The following KRTAP1-5 variants were observed in gnomAD, a reference collection of about 807,000 sequenced individuals.
KRTAP1-5 encodes the protein keratin-associated protein 1-5.
Under a neutral mutation model 14.2 loss-of-function variants are expected in KRTAP1-5, and 10 were observed. The observed-to-expected ratio is 0.70, with a 90% CI of 0.43 to 1.19. KRTAP1-5 has a LOEUF of 1.19. Among genes scored for constraint, KRTAP1-5 ranks in the 50% most tolerant of loss-of-function variants. The pLI is 0.00. For missense variants in KRTAP1-5, 234 were observed against 223.5 expected, an observed-to-expected ratio of 1.05 and a Z score of -0.30; for synonymous variants, 107 against 80.2, an observed-to-expected ratio of 1.33 and a Z score of -1.79.
At position 41,026,875 on chromosome 17, in the gene KRTAP1-5, C is replaced by T. The variant is rs1305185612; in HGVS notation, c.281G>A (p.Gly94Asp). Residue 94 changes from glycine (G) to aspartate (D), a missense_variant, in exon 1 of 1, where the codon GGC (glycine) becomes GAC (aspartate). Coordinates refer to ENST00000361883, the MANE Select transcript of KRTAP1-5 (RefSeq NM_031957.2). ...GCTGATGCCACCACCAATGCCACAGCCAGTTCCGCAGGAGCTGATCTGGCA... is the reference window on the plus strand; with the variant it reads ...GCTGATGCCACCACCAATGCCACAGTCAGTTCCGCAGGAGCTGATCTGGCA... ...SCCQISSCGT[G>D]CGIGGGISYG... 1.2e-6 allele frequency: 2 copies of T among 1,612,618 alleles called. No homozygotes were observed. Among genetic ancestry groups the T allele is most frequent in the Non-Finnish European group, 1.7e-6 (2 of 1,179,976 alleles).
Position 41,026,620 on chromosome 17 carries a change from C to G in KRTAP1-5, c.*11G>C. On this transcript the variant is annotated 3_prime_UTR_variant, in exon 1 of 1. Coordinates refer to ENST00000361883, the MANE Select transcript of KRTAP1-5 (RefSeq NM_031957.2). ...TGTGACCTAGGCAATTGAAAATAAGCAAACTGGCTTTCAGCAAGTGGGCTC... is the reference window on the plus strand; with the variant it reads ...TGTGACCTAGGCAATTGAAAATAAGGAAACTGGCTTTCAGCAAGTGGGCTC... The G allele has an allele frequency of 1.3e-6, 2 of 1,583,686 alleles. No homozygotes were observed. The highest frequency in any genetic ancestry group is 1.7e-6 in the Non-Finnish European group (2 of 1,162,462).
In KRTAP1-5 at chr17:41,026,509, TTAG is replaced by T. The variant is rs1188785813; in HGVS notation, c.*119_*121del. 9.6e-7 allele frequency: 1 copy of T among 1,046,966 alleles called. No individual in the cohort carries two copies. 64.9% of individuals were successfully genotyped at this position (1,046,966 alleles called of 1,614,324 possible). A position where few individuals can be genotyped will look rare whatever the true frequency, so the allele number is the denominator to read the frequency against. On this transcript the variant is annotated 3_prime_UTR_variant, in exon 1 of 1. Transcript: ENST00000361883. The stretch of plus-strand genomic sequence containing the variant: ...CAGATAGAATTGTGAGCTCATATAC[TTAG>T]TAGTCTCCATCACAAGCAATGCAAA...
rs752984485 is a variant in KRTAP1-5, at chr17:41,026,746, C to A, written c.410G>T (p.Ser137Ile). The A allele has an allele frequency of 6.2e-7, 1 of 1,613,448 alleles. No individual in the cohort carries two copies. The highest frequency in any genetic ancestry group is 1.1e-5 in the South Asian group (1 of 91,028). Residue 137 changes from serine (S) to isoleucine (I), a missense_variant, in exon 1 of 1, where the codon AGC (serine) becomes ATC (isoleucine). Coordinates refer to ENST00000361883, the MANE Select transcript of KRTAP1-5 (RefSeq NM_031957.2). ...TTGGCAGCAGGATGGGGGCGTGCAG[C>A]TCACCACACAGCAGGGGGGTAGGTA... ...GTYLPPCCVV[S>I]CTPPSCCQLH...
In KRTAP1-5 at chr17:41,026,866, A is replaced by G. The variant is rs1232965924; in HGVS notation, c.290T>C (p.Ile97Thr). The G allele has an allele frequency of 1.6e-5, 25 of 1,612,058 alleles. No homozygotes were observed. Among genetic ancestry groups the G allele is most frequent in the Non-Finnish European group, 1.9e-5 (23 of 1,179,974 alleles). The stretch of plus-strand genomic sequence containing the variant: ...CTGGCCATAGCTGATGCCACCACCA[A>G]TGCCACAGCCAGTTCCGCAGGAGCT... ...QISSCGTGCG[I>T]GGGISYGQEG... The change falls in exon 1 of 1, where the codon ATT becomes ACT. Residue 97 changes from isoleucine (I) to threonine (T), a missense_variant. Transcript: ENST00000361883.
At position 41,026,589 on chromosome 17, in the gene KRTAP1-5, A is replaced by T; in HGVS notation, c.*42T>A. 1 of 1,560,598 alleles carries T rather than the reference A, an allele frequency of 6.4e-7. No individual in the cohort carries two copies. The highest frequency in any genetic ancestry group is 8.7e-7 in the Non-Finnish European group (1 of 1,150,352). ...GGTGGTCAAGGGATGAACAGTTCAG[A>T]GACACTGTGACCTAGGCAATTGAAA... On this transcript the variant is annotated 3_prime_UTR_variant, in exon 1 of 1. Transcript: ENST00000361883.
Position 41,027,119 on chromosome 17 carries a change from T to A in KRTAP1-5, c.37A>T (p.Ser13Cys). ...CCQTSFCGYP[S>C]FSISGTCGSS... ...CCACAGGTCCCACTGATGGAGAAGC[T>A]GGGATATCCACAGAAGCTGGTCTGG... Residue 13 changes from serine (S) to cysteine (C), a missense_variant, in exon 1 of 1, where the codon AGC (serine) becomes TGC (cysteine). Physicochemically the swap from Ser to Cys is moderately radical, Grantham distance 112. Coordinates refer to ENST00000361883, the MANE Select transcript of KRTAP1-5 (RefSeq NM_031957.2). 1 of 1,614,196 alleles carries A rather than the reference T, an allele frequency of 6.2e-7. No individual in the cohort carries two copies. The highest frequency in any genetic ancestry group is 8.5e-7 in the Non-Finnish European group (1 of 1,180,036).
Position 41,026,785 on chromosome 17 carries a change from C to G in KRTAP1-5, c.371G>C (p.Arg124Pro), listed in dbSNP as rs148354281. 1 of 1,613,316 alleles carries G rather than the reference C, an allele frequency of 6.2e-7. No individual in the cohort carries two copies. Among genetic ancestry groups the G allele is most frequent in the Admixed American group, 1.7e-5 (1 of 60,012 alleles). ...TRIRWCRPDSRVEGTYLPPCC... is the reference protein window; with the variant it reads ...TRIRWCRPDSPVEGTYLPPCC... ...GGGGGGTAGGTAGGTGCCCTCCACA[C>G]GACTGTCTGGGCGGCACCACCTGAT... The change falls in exon 1 of 1, where the codon CGT becomes CCT. Residue 124 changes from arginine to proline, a missense_variant. Arg to Pro is a moderately radical substitution (Grantham distance 103). Transcript: ENST00000361883.
Position 41,027,057 on chromosome 17 carries a change from G to C in KRTAP1-5, c.99C>G (p.Ser33Arg). The C allele has an allele frequency of 6.2e-7, 1 of 1,613,232 alleles. No homozygotes were observed. The highest frequency in any genetic ancestry group is 8.5e-7 in the Non-Finnish European group (1 of 1,179,850). ...TCTGGCAGCTGCGTGGCTGGCAGCAGCTGGTCTCACAGCAGCTTGGCTGGC... is the reference window on the plus strand; with the variant it reads ...TCTGGCAGCTGCGTGGCTGGCAGCACCTGGTCTCACAGCAGCTTGGCTGGC... Reference protein sequence around the residue: ...SCCQPSCCETSCCQPRSCQTS... With the variant: ...SCCQPSCCETRCCQPRSCQTS... The change falls in exon 1 of 1, where the codon AGC (serine) becomes AGG (arginine). Residue 33 changes from serine to arginine, a missense_variant. Physicochemically the swap from Ser to Arg is moderately radical, Grantham distance 110. Coordinates refer to ENST00000361883, the MANE Select transcript of KRTAP1-5 (RefSeq NM_031957.2).
rs1368422486 is a variant in KRTAP1-5 at position 41,026,513 on chromosome 17, T to C, written c.*118A>G. Reference sequence around the variant, plus strand: ...TAGAATTGTGAGCTCATATACTTAGTAGTCTCCATCACAAGCAATGCAAAG... The same window carrying C: ...TAGAATTGTGAGCTCATATACTTAGCAGTCTCCATCACAAGCAATGCAAAG... On this transcript the variant is annotated 3_prime_UTR_variant, in exon 1 of 1. Transcript: ENST00000361883. 4 of 1,068,442 alleles carry C rather than the reference T, an allele frequency of 3.7e-6. No individual in the cohort carries two copies. The highest frequency in any genetic ancestry group is 5.5e-6 in the Non-Finnish European group (4 of 730,492). The allele number at this position is 1,068,442 out of a possible 1,614,324, so 66.2% of individuals were successfully genotyped here. A position where few individuals can be genotyped will look rare whatever the true frequency, so the allele number is the denominator to read the frequency against.
At position 41,026,409 on chromosome 17, in the gene KRTAP1-5, T is replaced by G. The variant is rs926171589; in HGVS notation, c.*222A>C. 1.9e-6 allele frequency: 1 copy of G among 520,414 alleles called. No homozygotes were observed. 32.2% of individuals were successfully genotyped at this position (520,414 alleles called of 1,614,324 possible). ...CAGAAATAGTATATCCCAAGCAAAT[T>G]GATGATCAGCAGGTGGCTTTGTAGC... is the stretch of plus-strand genomic sequence containing the variant. On this transcript the variant is annotated 3_prime_UTR_variant, in exon 1 of 1. Transcript: ENST00000361883.
chr17:41,026,780 C>T lies in KRTAP1-5; in HGVS notation c.376G>A (p.Glu126Lys), dbSNP rs2012337450. Residue 126 changes from glutamate (E) to lysine (K), a missense_variant, in exon 1 of 1, where the codon GAG becomes AAG. Glu to Lys is a moderately conservative substitution (Grantham distance 56). Coordinates refer to ENST00000361883, the MANE Select transcript of KRTAP1-5 (RefSeq NM_031957.2). Reference protein sequence around the residue: ...IRWCRPDSRVEGTYLPPCCVV... With the variant: ...IRWCRPDSRVKGTYLPPCCVV... ...CAGCAGGGGGGTAGGTAGGTGCCCT[C>T]CACACGACTGTCTGGGCGGCACCAC... is the stretch of plus-strand genomic sequence containing the variant. 1.2e-6 allele frequency: 2 copies of T among 1,613,356 alleles called. No individual in the cohort carries two copies. Among genetic ancestry groups the T allele is most frequent in the Non-Finnish European group, 1.7e-6 (2 of 1,180,012 alleles).
Position 41,027,167 on chromosome 17 carries a change from T to G in KRTAP1-5, c.-12A>C, listed in dbSNP as rs1212324206. ...TGGCAGCAGGTCATGGTGTCAGAAG[T>G]TGGGTTAAGAGTTAGGTTGCTTGGA... On this transcript the variant is annotated 5_prime_UTR_variant, in exon 1 of 1. Transcript: ENST00000361883. The G allele has an allele frequency of 6.2e-7, 1 of 1,613,712 alleles. No homozygotes were observed.
At position 41,026,921 on chromosome 17, in the gene KRTAP1-5, T is replaced by C. The variant is rs201509324; in HGVS notation, c.235A>G (p.Ser79Gly). 29 of 1,612,210 alleles carry C rather than the reference T, an allele frequency of 1.8e-5. No homozygotes were observed. The Admixed American group carries it at 4.8e-4, about 27-fold the overall frequency. Residue 79 changes from serine (S) to glycine (G), a missense_variant, in exon 1 of 1, where the codon AGC (serine) becomes GGC (glycine). Ser to Gly is a moderately conservative substitution (Grantham distance 56, BLOSUM62 0). Coordinates refer to ENST00000361883, the MANE Select transcript of KRTAP1-5 (RefSeq NM_031957.2). ...SCCQPSCCET[S>G]CCQPSCCQIS... ...TGGCAGCAGCTTGGCTGGCAGCAGC[T>C]GGTCTCACAGCAGCTTGGCTGGCAG...
chr17:41,026,239 C>T lies in KRTAP1-5; in HGVS notation c.*392G>A, dbSNP rs1475748173. The T allele has an allele frequency of 1.6e-5, 3 of 182,592 alleles. No individual in the cohort carries two copies. The highest frequency in any genetic ancestry group is 3.4e-5 in the Non-Finnish European group (3 of 88,834). The allele number at this position is 182,592 out of a possible 1,614,324, so 11.3% of individuals were successfully genotyped here. Reference sequence around the variant, plus strand: ...TGGTGACTTGAGGAATGTCACTTGGCTATAATTTGGTGTCTTTGATGTTGC... The same window carrying T: ...TGGTGACTTGAGGAATGTCACTTGGTTATAATTTGGTGTCTTTGATGTTGC... On this transcript the variant is annotated 3_prime_UTR_variant, in exon 1 of 1. Coordinates refer to ENST00000361883, the MANE Select transcript of KRTAP1-5 (RefSeq NM_031957.2).
chr17:41,026,196 A>T lies in KRTAP1-5; in HGVS notation c.*435T>A. On this transcript the variant is annotated 3_prime_UTR_variant, in exon 1 of 1. Coordinates refer to ENST00000361883, the MANE Select transcript of KRTAP1-5 (RefSeq NM_031957.2). ...CTTCTTAGAAGCTGAATGTTGGGTG[A>T]TGAGCTTCCATTCTCTCTGGTGACT... is the stretch of plus-strand genomic sequence containing the variant. 1 of 165,518 alleles carries T rather than the reference A, an allele frequency of 6.0e-6. No individual in the cohort carries two copies. The highest frequency in any genetic ancestry group is 1.3e-5 in the Non-Finnish European group (1 of 77,464). 10.3% of individuals were successfully genotyped at this position (165,518 alleles called of 1,614,324 possible).
In KRTAP1-5 at chr17:41,026,892, G is replaced by T. The variant is rs1176172830; in HGVS notation, c.264C>A (p.Ile88=). ...TGCCACAGCCAGTTCCGCAGGAGCT[G>T]ATCTGGCAGCAGCTTGGCTGGCAGC... ...TSCCQPSCCQ[I]SSCGTGCGIG... Residue 88 remains isoleucine, a synonymous_variant, in exon 1 of 1, where the codon ATC becomes ATA. Transcript: ENST00000361883. 7 of 1,612,910 alleles carry T rather than the reference G, an allele frequency of 4.3e-6. No homozygotes were observed. Among genetic ancestry groups the T allele is most frequent in the Middle Eastern group, 2.0e-4 (1 of 5,062 alleles).
rs2012350772 is a variant in KRTAP1-5 at position 41,027,055 on chromosome 17, C to G, written c.101G>C (p.Cys34Ser). 6.2e-7 allele frequency: 1 copy of G among 1,612,572 alleles called. No homozygotes were observed. Among genetic ancestry groups the G allele is most frequent in the Non-Finnish European group, 8.5e-7 (1 of 1,179,822 alleles). The change falls in exon 1 of 1, where the codon TGC becomes TCC. Residue 34 changes from cysteine to serine, a missense_variant. Transcript: ENST00000361883. ...AGTCTGGCAGCTGCGTGGCTGGCAG[C>G]AGCTGGTCTCACAGCAGCTTGGCTG... ...CCQPSCCETS[C>S]CQPRSCQTSF...
At position 41,026,948 on chromosome 17, in the gene KRTAP1-5, A is replaced by G; in HGVS notation, c.208T>C (p.Cys70Arg). The G allele has an allele frequency of 6.2e-7, 1 of 1,613,610 alleles. No individual in the cohort carries two copies. Among genetic ancestry groups the G allele is most frequent in the Non-Finnish European group, 8.5e-7 (1 of 1,179,944 alleles). ...CCQPSCCETS[C>R]CQPSCCETSC... ...GTCTCACAGCAGCTTGGCTGGCAGC[A>G]GCTGGTCTCACAGCAGCTTGGCTGG... Residue 70 changes from cysteine (C) to arginine (R), a missense_variant, in exon 1 of 1, where the codon TGC becomes CGC. By Grantham distance (180) the Cys-to-Arg change is radical. Transcript: ENST00000361883.
chr17:41,027,004 G>A lies in KRTAP1-5; in HGVS notation c.152C>T (p.Ser51Leu). The change falls in exon 1 of 1, where the codon TCA becomes TTA. Residue 51 changes from serine to leucine, a missense_variant. Coordinates refer to ENST00000361883, the MANE Select transcript of KRTAP1-5 (RefSeq NM_031957.2). ...ACTGGAGCTGCAGGTCCCACTGGTTGAGAAGCTGGGAAATCCGCAGAAGCT... is the reference window on the plus strand; with the variant it reads ...ACTGGAGCTGCAGGTCCCACTGGTTAAGAAGCTGGGAAATCCGCAGAAGCT... Reference protein sequence around the residue: ...QTSFCGFPSFSTSGTCSSSCC... With the variant: ...QTSFCGFPSFLTSGTCSSSCC... 1.2e-6 allele frequency: 2 copies of A among 1,608,062 alleles called. No individual in the cohort carries two copies. The highest frequency in any genetic ancestry group is 1.7e-6 in the Non-Finnish European group (2 of 1,178,964).
Sources: allele counts gnomAD v4.1 joint callset, GRCh38; gene constraint gnomAD v4.1.1; transcripts MANE v1.5; gene names NCBI Gene and HGNC (gene_info 2026-07-23, HGNC 2026-07-21).